The following KCNB2 variants were observed in gnomAD, a reference collection of about 807,000 sequenced individuals.
The protein encoded by KCNB2 is potassium voltage-gated channel subfamily B member 2.
A neutral mutation model predicts 61.5 loss-of-function variants in KCNB2; 15 were observed. The observed-to-expected ratio is 0.24, with a 90% confidence interval of 0.16 to 0.38. The LOEUF is 0.38. KCNB2 is among the 10% of genes least tolerant of loss of function. KCNB2 has a pLI of 1.00. For synonymous variants in KCNB2, 457 were observed against 446.0 expected (o/e 1.02, Z -0.31); for missense variants, 828 against 1,125.2 (o/e 0.74, Z 3.78).
chr8:72,927,588 C>T (rs899893097), intron 2 of KCNB2, among the ~76,000 whole-genome samples: 9 of 152,160 alleles, frequency 5.9e-5, no homozygotes, highest in African/African-American at 2.2e-4. Context: ...TTTTCTGTGC[C>T]TCTGCCTGCA....
chr8:72,668,680 C>G (rs1246304985), intron 2 of KCNB2, among the ~76,000 whole-genome samples: 1 of 152,096 alleles, frequency 6.6e-6, no homozygotes, highest in Non-Finnish European at 1.5e-5. Context: ...TAAGTAGGTC[C>G]ATTCCCTTTA....
intron 2 of KCNB2, among the ~76,000 whole-genome samples, chr8:72,633,384 G>A (rs564300919): frequency 4.0e-4 from 61 of 152,234 alleles, no homozygotes; most frequent in African/African-American, 1.4e-3. Flanking sequence ...GATTAGATTG[G>A]TTTCTTTTGG....
intron 2 of KCNB2, among the ~76,000 whole-genome samples, chr8:72,643,073 G>C (rs1462691725): frequency 6.6e-6 from 1 of 152,162 alleles, no homozygotes; most frequent in African/African-American, 2.4e-5. Flanking sequence ...TGAAGTGGCT[G>C]TTCTGCCTTC....
chr8:72,760,428 A>G (rs1371321024), intron 2 of KCNB2, among the ~76,000 whole-genome samples: 1 of 152,020 alleles, frequency 6.6e-6, no homozygotes, highest in African/African-American at 2.4e-5. Flanking sequence ...GAAGTCCCCC[A>G]TTTTTCAAAT....
At chr8:72,599,730 G>T (rs1807260699) in intron 2 of KCNB2, among the ~76,000 whole-genome samples, 1 of 151,920 alleles carries the variant, frequency 6.6e-6, no homozygotes, top group Non-Finnish European at 1.5e-5. Context: ...AATCTACAAA[G>T]AACTCAAACA....
intron 2 of KCNB2, among the ~76,000 whole-genome samples, chr8:72,834,897 G>A (rs544405031): frequency 4.6e-5 from 7 of 152,286 alleles, no homozygotes; most frequent in African/African-American, 1.7e-4. Context: ...CACTCTGTGT[G>A]GAACCAGGCA....
chr8:72,626,417 T>C (rs757013727), intron 2 of KCNB2, among the ~76,000 whole-genome samples: 1 of 152,180 alleles, frequency 6.6e-6, no homozygotes, highest in African/African-American at 2.4e-5. Flanking sequence ...ACACTCAGAA[T>C]ATATTTGGGC....
At chr8:72,820,571 A>C (rs1809480786) in intron 2 of KCNB2, among the ~76,000 whole-genome samples, 1 of 151,346 alleles carries the variant, frequency 6.6e-6, no homozygotes. Context: ...CCTGTATCTA[A>C]CCTATGACTT....
chr8:72,821,628 AC>A (rs1275250324), intron 2 of KCNB2, among the ~76,000 whole-genome samples: 25 of 92,684 alleles, frequency 2.7e-4, no homozygotes, highest in South Asian at 1.7e-3. Context: ...CTACACACAC[AC>A]ACAAAAAAAA....
chr8:72,852,840 T>C (rs566943390), intron 2 of KCNB2, among the ~76,000 whole-genome samples: 4 of 152,356 alleles, frequency 2.6e-5, no homozygotes, highest in South Asian at 4.1e-4. Context: ...TTCTCATACA[T>C]AGAATTCAGA....
At chr8:72,933,839 T>A (rs1806842063) in intron 2 of KCNB2, among the ~76,000 whole-genome samples, 1 of 152,242 alleles carries the variant, frequency 6.6e-6, no homozygotes, top group Non-Finnish European at 1.5e-5. Flanking sequence ...AAAGAGGACC[T>A]TTATTTTTCT....
chr8:72,935,776 TGTTA>T (rs767893515), intron 2 of KCNB2, among the ~76,000 whole-genome samples, 155 bp from the exon 3 acceptor site: 27 of 152,306 alleles, frequency 1.8e-4, no homozygotes, highest in Non-Finnish European at 3.4e-4. Context: ...GAAGTATTTG[TGTTA>T]GTTAGGGAAT....
At chr8:72,809,115 T>C (rs1809267568) in intron 2 of KCNB2, among the ~76,000 whole-genome samples, 1 of 152,170 alleles carries the variant, frequency 6.6e-6, no homozygotes, top group African/African-American at 2.4e-5. Context: ...GTGCAGGACC[T>C]GTGTGGCCCA....
intron 2 of KCNB2, among the ~76,000 whole-genome samples, chr8:72,787,815 A>T (rs573836467): frequency 6.6e-6 from 1 of 152,224 alleles, no homozygotes; most frequent in African/African-American, 2.4e-5. Context: ...TAAATTATGT[A>T]TTATGTTTTT....
chr8:72,834,558 T>C (rs756735045), intron 2 of KCNB2, among the ~76,000 whole-genome samples: 1 of 152,106 alleles, frequency 6.6e-6, no homozygotes. Context: ...CCAAAATTCC[T>C]TGCTGGAAGT....
intron 2 of KCNB2, among the ~76,000 whole-genome samples, chr8:72,739,081 G>A (rs1563575882): frequency 6.6e-6 from 1 of 151,964 alleles, no homozygotes; most frequent in East Asian, 1.9e-4. Flanking sequence ...GGGTTTCAGT[G>A]TATCTGTTTA....
intron 2 of KCNB2, among the ~76,000 whole-genome samples, chr8:72,761,287 C>A (rs1014758523): frequency 1.3e-5 from 2 of 152,042 alleles, no homozygotes; most frequent in Admixed American, 6.6e-5. Flanking sequence ...CTGCAGCAGG[C>A]GTCTGTCATG....
chr8:72,715,595 G>C (rs1162521992), intron 2 of KCNB2, among the ~76,000 whole-genome samples: 2 of 152,160 alleles, frequency 1.3e-5, no homozygotes, highest in Non-Finnish European at 2.9e-5. Flanking sequence ...CAGAAATAAA[G>C]ATGTTCTTTG....
intron 2 of KCNB2, among the ~76,000 whole-genome samples, chr8:72,662,548 A>C (rs140638435): frequency 6.6e-6 from 1 of 152,208 alleles, no homozygotes; most frequent in Non-Finnish European, 1.5e-5. Context: ...CAGCAATGTC[A>C]CACTATAACC....
Sources: allele counts gnomAD v4.1 joint callset (sites outside exome capture counted in the v4.1 genomes callset), GRCh38; gene constraint gnomAD v4.1.1; transcripts MANE v1.5; gene names NCBI Gene and HGNC (gene_info 2026-07-23, HGNC 2026-07-21).